GRID2: variants seen among roughly 807,000 people sequenced by gnomAD.
GRID2 encodes the protein glutamate ionotropic receptor delta type subunit 2, also known as glutamate receptor ionotropic, delta-2.
Under a neutral mutation model 114.8 loss-of-function variants are expected in GRID2, and 33 were observed. The observed-to-expected ratio is 0.29, with a 90% CI of 0.22 to 0.38. The LOEUF (loss-of-function observed/expected upper bound fraction) is 0.38, where lower values mean the gene tolerates loss of function less well. Among genes scored for constraint, GRID2 ranks in the 10% least tolerant of loss-of-function variants. The pLI is 1.00. For synonymous variants in GRID2, 505 were observed against 449.9 expected, an observed-to-expected ratio of 1.12 and a Z score of -1.55; for missense variants, 1,184 against 1,257.7, an observed-to-expected ratio of 0.94 and a Z score of 0.89.
chr4:93,437,134 A>G (rs1039623494), intron 10 of GRID2, among the ~76,000 whole-genome samples: 11 of 152,158 alleles, frequency 7.2e-5, no homozygotes, highest in Non-Finnish European at 1.6e-4. Context: ...AAACTGACCA[A>G]ATAACAACTA....
chr4:93,578,202 T>C (rs750906593), intron 13 of GRID2, among the ~76,000 whole-genome samples: 23 of 152,220 alleles, frequency 1.5e-4, no homozygotes, highest in Non-Finnish European at 2.9e-4. Context: ...TTCTCTTGTC[T>C]GCACGGGATT....
At chr4:92,780,382 C>A (rs964894972) in intron 2 of GRID2, among the ~76,000 whole-genome samples, 2 of 152,060 alleles carry the variant, frequency 1.3e-5, no homozygotes, top group African/African-American at 4.8e-5. Context: ...AATTTTGTCA[C>A]ATTTAAAGCC....
At chr4:93,756,750 A>G (rs1732785187) in intron 14 of GRID2, among the ~76,000 whole-genome samples, 1 of 152,216 alleles carries the variant, frequency 6.6e-6, no homozygotes. Context: ...CCATAATAAC[A>G]TGAGATTGAG....
intron 2 of GRID2, among the ~76,000 whole-genome samples, chr4:92,998,759 T>C (rs990148362): frequency 1.3e-5 from 2 of 151,812 alleles, no homozygotes; most frequent in South Asian, 4.1e-4. Context: ...CTTTTTCTTC[T>C]AAAACCCAAT....
At chr4:93,700,369 C>T (rs1727404269) in intron 14 of GRID2, among the ~76,000 whole-genome samples, 1 of 152,108 alleles carries the variant, frequency 6.6e-6, no homozygotes, top group East Asian at 1.9e-4. Context: ...CAGCTTCAGT[C>T]TCACTGTGAA....
rs1406344633 is a variant in GRID2, at chr4:93,450,774, TAATC to T, written c.1546-4886_1546-4883del. On this transcript the variant is annotated intron_variant, in intron 10 of 15. Transcript: ENST00000282020. ...GTGCTAGTCCTAATCAAAATTTAAA[TAATC>T]ATTTTACAATAAATATTTGACATAT... 3.9e-5 allele frequency among the ~76,000 whole-genome samples: 6 copies of T among 152,016 alleles called. No homozygotes were observed. The East Asian group carries it at 9.7e-4, about 25-fold the overall frequency.
chr4:92,884,726 C>T (rs565560679), intron 2 of GRID2: 1 of 228,046 alleles, frequency 4.4e-6, no homozygotes, highest in Non-Finnish European at 9.4e-6. Flanking sequence ...TACCTGAAGC[C>T]TCCTTTAATG....
intron 14 of GRID2, among the ~76,000 whole-genome samples, chr4:93,673,591 T>C (rs1399035156): frequency 6.6e-6 from 1 of 152,220 alleles, no homozygotes; most frequent in East Asian, 1.9e-4. Context: ...TCATCATTTA[T>C]TGACAATTGA....
At chr4:93,250,756 T>TATA (rs1554017730) in intron 8 of GRID2, among the ~76,000 whole-genome samples, 2 of 146,728 alleles carry the variant, frequency 1.4e-5, no homozygotes, top group African/African-American at 5.0e-5. Context: ...ATATATATAT[T>TATA]TATATATATA....
chr4:93,221,298 C>T (rs138351998), intron 6 of GRID2, among the ~76,000 whole-genome samples: 154 of 152,174 alleles, frequency 1.0e-3, no homozygotes, highest in Middle Eastern at 3.4e-3. Flanking sequence ...AGCCTAGAAA[C>T]GATACCAGGT....
intron 2 of GRID2, among the ~76,000 whole-genome samples, chr4:92,996,971 T>C (rs1755240635): frequency 6.6e-6 from 1 of 152,184 alleles, no homozygotes. Flanking sequence ...GTGAACCATG[T>C]TGCTAAAACT....
intron 2 of GRID2, among the ~76,000 whole-genome samples, chr4:92,668,755 A>T (rs558410919): frequency 6.6e-6 from 1 of 152,000 alleles, no homozygotes; most frequent in East Asian, 1.9e-4. Context: ...TTACTACTCC[A>T]GAAAGTTAAA....
At chr4:93,348,478 T>C (rs751454976) in intron 8 of GRID2, among the ~76,000 whole-genome samples, 12 of 152,164 alleles carry the variant, frequency 7.9e-5, no homozygotes, top group Non-Finnish European at 1.6e-4. Flanking sequence ...GTCAATGCAG[T>C]TAATGAAAAT....
At chr4:93,573,460 G>T (rs1736124658) in intron 13 of GRID2, among the ~76,000 whole-genome samples, 1 of 152,114 alleles carries the variant, frequency 6.6e-6, no homozygotes, top group Admixed American at 6.6e-5. Context: ...ATCTTCATCA[G>T]GGTGCTTTCA....
chr4:93,725,542 C>A (rs998849979), intron 14 of GRID2, among the ~76,000 whole-genome samples: 8 of 151,662 alleles, frequency 5.3e-5, no homozygotes, highest in Non-Finnish European at 7.4e-5. Flanking sequence ...AGTTCTAGAT[C>A]CCTGAGGAAT....
At chr4:92,785,741 T>A (rs1739290993) in intron 2 of GRID2, among the ~76,000 whole-genome samples, 1 of 151,822 alleles carries the variant, frequency 6.6e-6, no homozygotes, top group Non-Finnish European at 1.5e-5. Context: ...AGTGAATTTT[T>A]TCTGGGAAAA....
intron 8 of GRID2, among the ~76,000 whole-genome samples, chr4:93,359,215 T>G (rs773398209): frequency 9.9e-5 from 15 of 152,060 alleles, no homozygotes; most frequent in Non-Finnish European, 1.8e-4. Context: ...TCGTCAGGGG[T>G]CCAATAAAGT....
intron 9 of GRID2, among the ~76,000 whole-genome samples, chr4:93,413,848 G>A (rs1400773064): frequency 3.3e-5 from 5 of 152,136 alleles, no homozygotes; most frequent in Non-Finnish European, 7.4e-5. Flanking sequence ...AAATTTGAAT[G>A]TGTGTTAATT....
chr4:92,669,179 T>C (rs1414014827), intron 2 of GRID2, among the ~76,000 whole-genome samples: 1 of 151,924 alleles, frequency 6.6e-6, no homozygotes, highest in East Asian at 1.9e-4. Context: ...AGAGTTAAAG[T>C]TCTATTCATT....
Sources: allele counts gnomAD v4.1 joint callset (sites outside exome capture counted in the v4.1 genomes callset), GRCh38; gene constraint gnomAD v4.1.1; transcripts MANE v1.5; gene names NCBI Gene and HGNC (gene_info 2026-07-23, HGNC 2026-07-21).